The following RXFP1 variants were observed in gnomAD, a reference collection of about 807,000 sequenced individuals.
The protein encoded by RXFP1 is relaxin family peptide receptor 1.
Under a neutral mutation model 89.8 loss-of-function variants are expected in RXFP1, and 73 were observed. That is an observed-to-expected ratio of 0.81 (90% confidence interval 0.67 to 0.99). RXFP1 has a LOEUF of 0.99. Among genes scored for constraint, RXFP1 ranks in the 50% least tolerant of loss-of-function variants. The pLI is 0.00. For missense variants in RXFP1, 793 were observed against 895.5 expected, an observed-to-expected ratio of 0.89 and a Z score of 1.46; for synonymous variants, 277 against 305.5, an observed-to-expected ratio of 0.91 and a Z score of 0.97.
intron 14 of RXFP1, among the ~76,000 whole-genome samples, chr4:158,643,401 T>C (rs377152411): frequency 3.4e-4 from 51 of 152,120 alleles, no homozygotes; most frequent in South Asian, 2.9e-3. Context: ...GGTGCAGATA[T>C]CTCTTTGATA....
rs774210101 is a variant in RXFP1 at position 158,599,382 on chromosome 4, G to T, written c.343G>T (p.Glu115Ter). 10 of 1,613,664 alleles carry T rather than the reference G, an allele frequency of 6.2e-6. No homozygotes were observed. The highest frequency in any genetic ancestry group is 7.6e-6 in the Non-Finnish European group (9 of 1,179,850). The change falls in exon 4 of 18, where the codon GAA becomes TAA. Residue 115 changes from glutamate to a stop codon, truncating the protein, a stop_gained. Transcript: ENST00000307765. LOFTEE classifies it high-confidence loss of function. ...CCAAGGTCTGGAGCTTGACTGTGAT[G>T]AAACCAATTTACGAGCTGTTCCATC... ...LCQGLELDCDETNLRAVPSVS... is the reference protein window; with the variant it reads ...LCQGLELDCD
intron 1 of RXFP1, among the ~76,000 whole-genome samples, chr4:158,557,156 C>T (rs927742094): frequency 5.3e-5 from 8 of 152,072 alleles, no homozygotes; most frequent in African/African-American, 1.7e-4. Context: ...CATTGTATAA[C>T]ATAGATATAT....
chr4:158,607,285 T>C (rs189241033), intron 5 of RXFP1, among the ~76,000 whole-genome samples: 1 of 152,304 alleles, frequency 6.6e-6, no homozygotes, highest in African/African-American at 2.4e-5. Context: ...TGTCTTGACA[T>C]TCCAATCTAA....
Position 158,633,416 on chromosome 4 carries a change from G to A in RXFP1, c.911G>A (p.Ser304Asn), listed in dbSNP as rs1404792225. 6.3e-7 allele frequency: 1 copy of A among 1,584,676 alleles called. No individual in the cohort carries two copies. Among genetic ancestry groups the A allele is most frequent in the Non-Finnish European group, 8.7e-7 (1 of 1,154,746 alleles). ...AATTATTTCTCCAGGGATTTAGGAA[G>A]TAATAAGATTGAAAATCTTCCACCG... ...LQKLDELDLG[S>N]NKIENLPPLI... The change falls in exon 12 of 18, where the codon AGT becomes AAT. Residue 304 changes from serine (S) to asparagine (N), a missense_variant. Ser to Asn is a conservative substitution (Grantham distance 46, BLOSUM62 1). Coordinates refer to ENST00000307765, the MANE Select transcript of RXFP1 (RefSeq NM_021634.4).
At chr4:158,616,559 T>C (rs1429277293) in intron 8 of RXFP1, among the ~76,000 whole-genome samples, 1 of 149,968 alleles carries the variant, frequency 6.7e-6, no homozygotes, top group Non-Finnish European at 1.5e-5. Flanking sequence ...GGCTATTTTT[T>C]TTTTTTTTTT....
At chr4:158,636,754 G>A (rs1271320375) in intron 12 of RXFP1, among the ~76,000 whole-genome samples, 1 of 152,142 alleles carries the variant, frequency 6.6e-6, no homozygotes, top group Non-Finnish European at 1.5e-5. Context: ...TTTTTGTGGT[G>A]AGAACACTTA....
chr4:158,538,855 A>G (rs1745922275), intron 1 of RXFP1, among the ~76,000 whole-genome samples: 1 of 151,898 alleles, frequency 6.6e-6, no homozygotes, highest in Non-Finnish European at 1.5e-5. Context: ...ATAATCTATG[A>G]CTTCTCTATG....
At chr4:158,531,060 G>A (rs966268653) in intron 1 of RXFP1, among the ~76,000 whole-genome samples, 7 of 152,076 alleles carry the variant, frequency 4.6e-5, no homozygotes, top group Admixed American at 6.5e-5. Context: ...TTTTGAGACA[G>A]GGTCTTGCTC....
At chr4:158,549,951 T>C (rs1749659675) in intron 1 of RXFP1, among the ~76,000 whole-genome samples, 1 of 152,234 alleles carries the variant, frequency 6.6e-6, no homozygotes, top group African/African-American at 2.4e-5. Flanking sequence ...AGCTGCATGC[T>C]GGGAGAACCA....
chr4:158,617,261 A>G, intron 9 of RXFP1, 56 bp downstream of exon 9: 1 of 1,257,968 alleles, frequency 7.9e-7, no homozygotes, highest in South Asian at 1.3e-5. Flanking sequence ...TTTTTACCTA[A>G]TTCATTCCAG....
chr4:158,599,446 A>C lies in RXFP1; in HGVS notation c.392+15A>C. 6.2e-7 allele frequency: 1 copy of C among 1,606,248 alleles called. No individual in the cohort carries two copies. Among genetic ancestry groups the C allele is most frequent in the Non-Finnish European group, 8.5e-7 (1 of 1,174,262 alleles). ...GTGACTGCAATGTAAGTAGAAAAGAATTACTTCATCCTGACAGCTGGGTAG... is the reference window on the plus strand; with the variant it reads ...GTGACTGCAATGTAAGTAGAAAAGACTTACTTCATCCTGACAGCTGGGTAG... On this transcript the variant is annotated intron_variant, in intron 4 of 17. Transcript: ENST00000307765.
At chr4:158,649,888 G>GA (rs912493510) in intron 17 of RXFP1, among the ~76,000 whole-genome samples, 13 of 152,226 alleles carry the variant, frequency 8.5e-5, no homozygotes, top group Middle Eastern at 3.4e-3. Flanking sequence ...TCCTTCTAAG[G>GA]AAAAAACCAA....
At chr4:158,553,091 G>C (rs1464441292) in intron 1 of RXFP1, among the ~76,000 whole-genome samples, 3 of 152,034 alleles carry the variant, frequency 2.0e-5, no homozygotes, top group African/African-American at 7.2e-5. Flanking sequence ...TGGGAGGCTG[G>C]GGTGGGAGGA....
intron 1 of RXFP1, among the ~76,000 whole-genome samples, chr4:158,541,350 G>GCA (rs58856633): frequency 0.03 from 4,158 of 139,854 alleles, 188 homozygotes; most frequent in African/African-American, 0.1. Context: ...AGAGCTTCAT[G>GCA]CACACACACA....
At chr4:158,611,911 G>T (rs994628049) in intron 6 of RXFP1, among the ~76,000 whole-genome samples, 1 of 152,150 alleles carries the variant, frequency 6.6e-6, no homozygotes, top group Non-Finnish European at 1.5e-5. Context: ...ATGAATACAT[G>T]AATAGATGAA....
At chr4:158,589,624 G>C (rs1759024245) in intron 2 of RXFP1, among the ~76,000 whole-genome samples, 1 of 152,168 alleles carries the variant, frequency 6.6e-6, no homozygotes, top group Non-Finnish European at 1.5e-5. Context: ...GACAGGAAAG[G>C]GGAGCTGCTT....
At chr4:158,594,274 A>T (rs1760092611) in intron 3 of RXFP1, among the ~76,000 whole-genome samples, 3 of 152,128 alleles carry the variant, frequency 2.0e-5, no homozygotes, top group Admixed American at 6.6e-5. Context: ...CCCTCAGCTT[A>T]TTCAGGGCCC....
chr4:158,557,436 G>A (rs1282424213), intron 1 of RXFP1, among the ~76,000 whole-genome samples: 1 of 152,118 alleles, frequency 6.6e-6, no homozygotes, highest in Non-Finnish European at 1.5e-5. Context: ...ACCTAAGTTG[G>A]AGTAGTTTTT....
At chr4:158,638,366 A>C (rs1163310659) in intron 13 of RXFP1, among the ~76,000 whole-genome samples, 1 of 152,190 alleles carries the variant, frequency 6.6e-6, no homozygotes, top group African/African-American at 2.4e-5. Context: ...ATCTGTGCAT[A>C]TTCACTCTCT....
Sources: allele counts gnomAD v4.1 joint callset (sites outside exome capture counted in the v4.1 genomes callset), GRCh38; gene constraint gnomAD v4.1.1; transcripts MANE v1.5; gene names NCBI Gene and HGNC (gene_info 2026-07-23, HGNC 2026-07-21).